The following TM9SF3 variants were observed in gnomAD, a reference collection of about 807,000 sequenced individuals.
TM9SF3 encodes transmembrane 9 superfamily member 3, also known as SM-11044-binding protein.
A neutral mutation model predicts 78.6 loss-of-function variants in TM9SF3; 14 were observed. That is an observed-to-expected ratio of 0.18 (90% CI 0.12 to 0.28). TM9SF3 has a LOEUF of 0.28. Ranked by LOEUF, TM9SF3 falls within the 10% of genes least tolerant of loss-of-function variation. The probability of loss-of-function intolerance (pLI) is 1.00; values close to 1 mark genes in which losing one functional copy is unlikely to be tolerated. For missense variants in TM9SF3, 496 were observed against 721.9 expected, an observed-to-expected ratio of 0.69 and a Z score of 3.59; for synonymous variants, 231 against 241.7, an observed-to-expected ratio of 0.96 and a Z score of 0.41.
chr10:96,530,668 T>C (rs1847884558), intron 10 of TM9SF3, 60 bp from the exon 11 acceptor site: 18 of 1,414,050 alleles, frequency 1.3e-5, no homozygotes, highest in Non-Finnish European at 1.7e-5. Context: ...ATATAAACAC[T>C]GATAACAGAA....
In TM9SF3 at chr10:96,528,063, T is replaced by C. The variant is rs541642986; in HGVS notation, c.1509A>G (p.Thr503=). 54 of 1,612,536 alleles carry C rather than the reference T, an allele frequency of 3.3e-5. 1 individual carries two copies. In the East Asian group the frequency reaches 1.1e-3, roughly 32 times the overall value. ...AATCTTCTGCATTTAGTAGAAAATA[T>C]GTGCACACAATAGTCACACAGACAG... ...IVTVCVTIVC[T]YFLLNAEDYR... Residue 503 remains threonine, a synonymous_variant, in exon 12 of 15, where the codon ACA becomes ACG. Transcript: ENST00000371142.
Position 96,521,858 on chromosome 10 carries a change from C to T in TM9SF3, c.*405G>A, listed in dbSNP as rs1420836806. On this transcript the variant is annotated 3_prime_UTR_variant, in exon 15 of 15. Coordinates refer to ENST00000371142, the MANE Select transcript of TM9SF3 (RefSeq NM_020123.4). ...ATCATTTTTCAATAACATAGAAACA[C>T]TAAGTGCCAGGAAGATTCCTATTCA... 4 of 158,046 alleles carry T rather than the reference C, an allele frequency of 2.5e-5. No homozygotes were observed. Among genetic ancestry groups the T allele is most frequent in the African/African-American group, 7.2e-5 (3 of 41,442 alleles). The allele number at this position is 158,046 out of a possible 1,614,324, so 9.8% of individuals were successfully genotyped here.
intron 2 of TM9SF3, 117 bp downstream of exon 2, chr10:96,576,517 G>A: frequency 1.0e-6 from 1 of 965,740 alleles, no homozygotes; most frequent in Non-Finnish European, 1.5e-6. Context: ...ATCCTAACAT[G>A]TACATAACAG....
intron 7 of TM9SF3, among the ~76,000 whole-genome samples, chr10:96,548,797 CAAAAAAAAAA>C (rs5787196): frequency 1.7e-5 from 1 of 58,482 alleles, no homozygotes; most frequent in Non-Finnish European, 3.6e-5. Context: ...GACTCCATCT[CAAAAAAAAAA>C]AAAAAAAAAA....
At chr10:96,527,160 G>A in intron 14 of TM9SF3, 53 bp downstream of exon 14, 1 of 1,476,520 alleles carries the variant, frequency 6.8e-7, no homozygotes, top group Non-Finnish European at 9.3e-7. Flanking sequence ...GTATTTTTCG[G>A]ATTTAGAGAA....
At chr10:96,557,715 G>A (rs559843158) in intron 5 of TM9SF3, among the ~76,000 whole-genome samples, 1 of 152,016 alleles carries the variant, frequency 6.6e-6, no homozygotes, top group Non-Finnish European at 1.5e-5. Context: ...CCTCCACCTG[G>A]AATACTCTTT....
chr10:96,574,401 G>A (rs548922560), intron 2 of TM9SF3, among the ~76,000 whole-genome samples: 7 of 152,102 alleles, frequency 4.6e-5, no homozygotes, highest in Non-Finnish European at 5.9e-5. Flanking sequence ...TTAGAATGGC[G>A]ATCATTAAAA....
At chr10:96,552,373 CTT>C (rs1170398714) in intron 6 of TM9SF3, among the ~76,000 whole-genome samples, 1 of 152,082 alleles carries the variant, frequency 6.6e-6, no homozygotes, top group African/African-American at 2.4e-5. Flanking sequence ...CACTTGAGCT[CTT>C]GAGTTTGAAG....
intron 5 of TM9SF3, among the ~76,000 whole-genome samples, chr10:96,555,811 T>C (rs528000953): frequency 6.6e-6 from 1 of 152,324 alleles, no homozygotes; most frequent in East Asian, 1.9e-4. Context: ...AAGCAGTCTA[T>C]GATTTTCCAA....
At chr10:96,531,174 C>T (rs1224103441) in intron 10 of TM9SF3, among the ~76,000 whole-genome samples, 1 of 152,172 alleles carries the variant, frequency 6.6e-6, no homozygotes, top group Non-Finnish European at 1.5e-5. Context: ...CATTTACTGA[C>T]TGTAATTGGT....
chr10:96,543,964 G>T (rs995489034), intron 9 of TM9SF3, 112 bp downstream of exon 9: 1 of 1,143,220 alleles, frequency 8.7e-7, no homozygotes, highest in Non-Finnish European at 1.2e-6. Context: ...GACTGAGTAT[G>T]AACTGACTGA....
At chr10:96,541,375 AT>A (rs1008676502) in intron 9 of TM9SF3, among the ~76,000 whole-genome samples, 11 of 149,420 alleles carry the variant, frequency 7.4e-5, no homozygotes, top group Admixed American at 2.0e-4. Context: ...AATCAATCTA[AT>A]TTTTTTTTTC....
At chr10:96,524,953 T>C (rs2134127841) in intron 14 of TM9SF3, among the ~76,000 whole-genome samples, 1 of 152,044 alleles carries the variant, frequency 6.6e-6, no homozygotes, top group African/African-American at 2.4e-5. Context: ...ACTGTAAATG[T>C]GCCAAGGTTT....
At chr10:96,559,460 C>G (rs1183767225) in intron 5 of TM9SF3, among the ~76,000 whole-genome samples, 199 bp downstream of exon 5, 4 of 152,108 alleles carry the variant, frequency 2.6e-5, no homozygotes, top group African/African-American at 4.8e-5. Flanking sequence ...AAACCACAAG[C>G]ACAAAGAAGG....
rs949832801 is a variant in TM9SF3, at chr10:96,519,842, C to T, written c.*2421G>A. 1 of 151,816 alleles carries T rather than the reference C, an allele frequency of 6.6e-6. No individual in the cohort carries two copies. The highest frequency in any genetic ancestry group is 2.4e-5 in the African/African-American group (1 of 41,398). 9.4% of individuals were successfully genotyped at this position (151,816 alleles called of 1,614,324 possible). A position where few individuals can be genotyped will look rare whatever the true frequency, so the allele number is the denominator to read the frequency against. On this transcript the variant is annotated 3_prime_UTR_variant, in exon 15 of 15. Coordinates refer to ENST00000371142, the MANE Select transcript of TM9SF3 (RefSeq NM_020123.4). ...CCCTCTATGCAGCCAAAAACCAATA[C>T]AAGTCCTTTTCTAAAAGACTTTAAA...
chr10:96,557,086 T>C (rs920409437), intron 5 of TM9SF3, among the ~76,000 whole-genome samples: 40 of 152,126 alleles, frequency 2.6e-4, no homozygotes, highest in Non-Finnish European at 2.9e-4. Flanking sequence ...TCTCTCTACA[T>C]CTCCCTTCCT....
chr10:96,583,135 A>G (rs1377864012), intron 1 of TM9SF3, among the ~76,000 whole-genome samples: 1 of 152,020 alleles, frequency 6.6e-6, no homozygotes, highest in Non-Finnish European at 1.5e-5. Context: ...AAAAAATACC[A>G]TATGGGTCAG....
At chr10:96,542,145 C>T (rs1848041219) in intron 9 of TM9SF3, among the ~76,000 whole-genome samples, 1 of 152,212 alleles carries the variant, frequency 6.6e-6, no homozygotes, top group South Asian at 2.1e-4. Flanking sequence ...AGTTCAAGTA[C>T]TTAATGAAGA....
chr10:96,572,296 C>A (rs1564939599), intron 2 of TM9SF3, among the ~76,000 whole-genome samples: 1 of 151,892 alleles, frequency 6.6e-6, no homozygotes, highest in East Asian at 1.9e-4. Context: ...CCACACTTCA[C>A]AGATAAGCAA....
Sources: allele counts gnomAD v4.1 joint callset (sites outside exome capture counted in the v4.1 genomes callset), GRCh38; gene constraint gnomAD v4.1.1; transcripts MANE v1.5; gene names NCBI Gene and HGNC (gene_info 2026-07-23, HGNC 2026-07-21).